The following MYH9 variants were observed in gnomAD, a reference collection of about 807,000 sequenced individuals.
The protein encoded by MYH9 is myosin heavy chain 9.
A neutral mutation model predicts 241.9 loss-of-function variants in MYH9; 29 were observed. The ratio of observed to expected loss-of-function variants is 0.12; its 90% confidence interval spans 0.09 to 0.16. MYH9 has a LOEUF of 0.16. Among genes scored for constraint, MYH9 ranks in the 10% least tolerant of loss-of-function variants. The pLI is 1.00. For missense variants in MYH9, 1,803 were observed against 2,595.5 expected, an observed-to-expected ratio of 0.69 and a Z score of 6.63; for synonymous variants, 1,047 against 1,062.6, an observed-to-expected ratio of 0.99 and a Z score of 0.29.
intron 1 of MYH9, among the ~76,000 whole-genome samples, chr22:36,373,088 G>A (rs1171407269): frequency 3.3e-5 from 5 of 152,264 alleles, no homozygotes; most frequent in South Asian, 2.1e-4. Flanking sequence ...TAGCCACTAG[G>A]ATTCTGAAAC....
At chr22:36,312,253 G>C (rs1202462561) in intron 13 of MYH9, 31 bp from the exon 14 acceptor site, 1 of 1,612,388 alleles carries the variant, frequency 6.2e-7, no homozygotes, top group South Asian at 1.1e-5. Flanking sequence ...GCACAGGTGA[G>C]TGCACCCTGG....
chr22:36,320,291 T>C lies in MYH9; in HGVS notation c.941A>G (p.Gln314Arg). 6.2e-7 allele frequency: 1 copy of C among 1,614,220 alleles called. No individual in the cohort carries two copies. The highest frequency in any genetic ancestry group is 8.5e-7 in the Non-Finnish European group (1 of 1,180,028). The change falls in exon 9 of 41, where the codon CAG (glutamine) becomes CGG (arginine). Residue 314 changes from glutamine to arginine, a missense_variant. Gln to Arg is a conservative substitution (Grantham distance 43). This residue lies in a region of MYH9 where 222 missense variants were observed against 359.9 expected (regional missense o/e 0.62). Coordinates refer to ENST00000216181, the MANE Select transcript of MYH9 (RefSeq NM_002473.6). This position sits in a 1 kb window ranked among gnomAD's most constrained non-coding sequence, Gnocchi z 4.8. Reference sequence around the variant, plus strand: ...GGTCTCCTGGAACATGTCCTTGTCCTGCTGCCCGGGGATGGTGACGTGTCC... The same window carrying C: ...GGTCTCCTGGAACATGTCCTTGTCCCGCTGCCCGGGGATGGTGACGTGTCC... ...SNGHVTIPGQQDKDMFQETME... is the reference protein window; with the variant it reads ...SNGHVTIPGQRDKDMFQETME...
chr22:36,286,953 T>A, intron 34 of MYH9, 107 bp from the exon 35 acceptor site: 1 of 1,537,426 alleles, frequency 6.5e-7, no homozygotes. Flanking sequence ...CTCCACTCAA[T>A]GCTGTATTTA....
chr22:36,302,355 AAATC>A lies in MYH9; in HGVS notation c.2499+209_2499+212del, dbSNP rs1454690428. On this transcript the variant is annotated intron_variant, in intron 20 of 40. Transcript: ENST00000216181. ...GATAGTGAGACCTTGTCTCTACTAA[AAATC>A]AAAAAGGGCCGGGCACAGTGGCTCA... is the stretch of plus-strand genomic sequence containing the variant. 61 of 502,272 alleles carry A rather than the reference AAATC, an allele frequency of 1.2e-4. 1 individual carries two copies. The East Asian group carries it at 2.1e-3, about 18-fold the overall frequency. 31.1% of individuals were successfully genotyped at this position (502,272 alleles called of 1,614,324 possible).
At chr22:36,326,717 T>C in intron 4 of MYH9, 56 bp from the exon 5 acceptor site, 5 of 1,449,518 alleles carry the variant, frequency 3.4e-6, no homozygotes, top group Non-Finnish European at 4.8e-6. Context: ...CCTTGACCTC[T>C]GTCCCTTCCC....
At chr22:36,385,766 G>A (rs1172573638) in intron 1 of MYH9, among the ~76,000 whole-genome samples, 1 of 152,090 alleles carries the variant, frequency 6.6e-6, no homozygotes, top group Non-Finnish European at 1.5e-5. Context: ...GAAGTTCTTT[G>A]GTGTCACCCC....
chr22:36,292,097 C>A lies in MYH9; in HGVS notation c.4233G>T (p.Leu1411=). 6.2e-7 allele frequency: 1 copy of A among 1,614,188 alleles called. No individual in the cohort carries two copies. The highest frequency in any genetic ancestry group is 8.5e-7 in the Non-Finnish European group (1 of 1,180,054). ...GCTGCAGCCGCGTCTTGGTCTTCTC[C>A]AGCTTGTCGTAGGCGGCCACCTTCT... ...HEEKVAAYDK[L]EKTKTRLQQE... Residue 1411 remains leucine, a synonymous_variant, in exon 31 of 41, where the codon CTG becomes CTT. Coordinates refer to ENST00000216181, the MANE Select transcript of MYH9 (RefSeq NM_002473.6).
chr22:36,344,735 T>C (rs1039288200), intron 2 of MYH9, among the ~76,000 whole-genome samples: 3 of 152,212 alleles, frequency 2.0e-5, no homozygotes, highest in African/African-American at 7.2e-5. Flanking sequence ...CCTCTGCGTG[T>C]GGCTTGCAAT....
At position 36,285,825 on chromosome 22, in the gene MYH9, C is replaced by G. The variant is rs745720516; in HGVS notation, c.5150+40G>C. On this transcript the variant is annotated intron_variant, in intron 36 of 40. Coordinates refer to ENST00000216181, the MANE Select transcript of MYH9 (RefSeq NM_002473.6). The surrounding 1 kb of genome is among the most constrained non-coding windows in gnomAD (Gnocchi z 7.0). ...AAGTGAGGGGCCTACCCTGGGGACACACCTGGTCCCCCCCAACTCTGCCCC... is the reference window on the plus strand; with the variant it reads ...AAGTGAGGGGCCTACCCTGGGGACAGACCTGGTCCCCCCCAACTCTGCCCC... 3.7e-6 allele frequency: 6 copies of G among 1,613,454 alleles called. No individual in the cohort carries two copies. The South Asian group carries it at 6.6e-5, about 18-fold the overall frequency.
intron 1 of MYH9, among the ~76,000 whole-genome samples, chr22:36,364,525 G>C (rs529357553): frequency 6.6e-6 from 1 of 152,114 alleles, no homozygotes. Context: ...CCCTTAGCAG[G>C]ACAGACAGCA....
chr22:36,307,500 G>A (rs2016989373), intron 15 of MYH9, among the ~76,000 whole-genome samples: 1 of 152,230 alleles, frequency 6.6e-6, no homozygotes, highest in Admixed American at 6.5e-5. Flanking sequence ...TTCCTTCACG[G>A]CCAGATTACT....
chr22:36,351,953 C>T (rs115542892), intron 1 of MYH9, among the ~76,000 whole-genome samples: 4,556 of 152,166 alleles, frequency 0.03, 223 homozygotes, highest in African/African-American at 0.1. Context: ...CACCACCTCA[C>T]CTAACTGGCA....
chr22:36,375,955 CTTTTT>C (rs751350180), intron 1 of MYH9, among the ~76,000 whole-genome samples: 27 of 89,104 alleles, frequency 3.0e-4, no homozygotes, highest in Non-Finnish European at 5.0e-4. Context: ...TCAATAATTT[CTTTTT>C]TTTTTTTTTT....
rs1356400679 is a variant in MYH9 at position 36,290,609 on chromosome 22, T to C, written c.4345-1312A>G. ...AGGAGCGTCTCTGCCTGGCCGCCCATCGTCTGGGATGTGAGGAGCCCCTCT... is the reference window on the plus strand; with the variant it reads ...AGGAGCGTCTCTGCCTGGCCGCCCACCGTCTGGGATGTGAGGAGCCCCTCT... On this transcript the variant is annotated intron_variant, in intron 31 of 40. Coordinates refer to ENST00000216181, the MANE Select transcript of MYH9 (RefSeq NM_002473.6). Among the ~76,000 whole-genome samples, 11 of 148,028 alleles carry C rather than the reference T, an allele frequency of 7.4e-5. No homozygotes were observed. In the South Asian group the frequency reaches 2.0e-3, roughly 27 times the overall value.
chr22:36,332,661 TAAAAAAAAAAAAA>T (rs67602880), intron 3 of MYH9, among the ~76,000 whole-genome samples: 12 of 44,506 alleles, frequency 2.7e-4, no homozygotes, highest in South Asian at 1.8e-3. Context: ...TCTGGATAAT[TAAAAAAAAAAAAA>T]AAAAAAAAAA....
rs530503410 is a variant in MYH9, at chr22:36,327,385, G to A, written c.518+76C>T. The A allele has an allele frequency of 3.6e-5, 56 of 1,560,434 alleles. No individual in the cohort carries two copies. The African/African-American group carries it at 6.4e-4, about 18-fold the overall frequency. On this transcript the variant is annotated intron_variant, in intron 4 of 40. Coordinates refer to ENST00000216181, the MANE Select transcript of MYH9 (RefSeq NM_002473.6). ...GGGGGACTCTGCAAGCCCCAGTTGT[G>A]GTTTCAGTAGGAGACCTCAAGAATG...
chr22:36,295,809 A>G lies in MYH9; in HGVS notation c.3273-92T>C, dbSNP rs1012424739. On this transcript the variant is annotated intron_variant, in intron 25 of 40. Transcript: ENST00000216181. This position sits in a 1 kb window ranked among gnomAD's most constrained non-coding sequence, Gnocchi z 4.1. ...CAGGCCTGAGAGAGCTGCAGCAGCC[A>G]AAGCTGCCTCCTGTGGTCACAATCA... The G allele has an allele frequency of 2.2e-5, 26 of 1,181,928 alleles. No homozygotes were observed. The highest frequency in any genetic ancestry group is 3.2e-5 in the Non-Finnish European group (26 of 819,444). The allele number at this position is 1,181,928 out of a possible 1,614,324, so 73.2% of individuals were successfully genotyped here.
rs543722241 is a variant in MYH9 at position 36,329,121 on chromosome 22, C to T, written c.491-1633G>A. Among the ~76,000 whole-genome samples the T allele has an allele frequency of 3.3e-5, 5 of 152,340 alleles. No homozygotes were observed. In the South Asian group the frequency reaches 1.0e-3, roughly 32 times the overall value. On this transcript the variant is annotated intron_variant, in intron 3 of 40. Transcript: ENST00000216181. The surrounding 1 kb of genome is among the most constrained non-coding windows in gnomAD (Gnocchi z 4.1). ...CTGCCCCTGCCCTGGGCCGCAGCTT[C>T]CTCCCAGCCCCCTAAGCATCAACGG... is the stretch of plus-strand genomic sequence containing the variant.
chr22:36,312,495 C>T (rs551994156), intron 13 of MYH9, among the ~76,000 whole-genome samples: 9 of 152,306 alleles, frequency 5.9e-5, no homozygotes, highest in East Asian at 3.9e-4. Context: ...AGTGCACATC[C>T]GCTGACCCGC....
Sources: gnomAD v4.1 joint callset for allele counts (sites outside exome capture counted in the v4.1 genomes callset) on GRCh38, gnomAD v4.1.1 for gene constraint, gnomAD v4.1.1 regional missense constraint, Gnocchi (gnomAD v3.1) non-coding constraint, MANE v1.5 for transcripts, NCBI Gene and HGNC (gene_info 2026-07-23, HGNC 2026-07-21) for gene names.